Variants in SPCS3 observed in about 807,000 individuals in gnomAD.
The protein encoded by SPCS3 is SPase 22 kDa subunit.
A neutral mutation model predicts 17.2 loss-of-function variants in SPCS3; 9 were observed. The ratio of observed to expected loss-of-function variants is 0.52; its 90% CI spans 0.31 to 0.91. SPCS3 has a LOEUF of 0.91. Among genes scored for constraint, SPCS3 ranks in the 40% least tolerant of loss-of-function variants. SPCS3 has a pLI of 0.04. For missense variants in SPCS3, 139 were observed against 217.5 expected (o/e 0.64, Z 2.27); for synonymous variants, 87 against 89.6 (o/e 0.97, Z 0.16).
In SPCS3 at chr4:176,329,909, G is replaced by T. The variant is rs1191357314; in HGVS notation, c.*1579G>T. ...AATTACATTAATTTTAACATCTGTT[G>T]TGTGGAGTTGTATAGTTCATGCAAA... On this transcript the variant is annotated 3_prime_UTR_variant, in exon 5 of 5. Coordinates refer to ENST00000503362, the MANE Select transcript of SPCS3 (RefSeq NM_021928.4). 2 of 152,112 alleles carry T rather than the reference G, an allele frequency of 1.3e-5. No homozygotes were observed. The highest frequency in any genetic ancestry group is 4.8e-5 in the African/African-American group (2 of 41,432). 9.4% of individuals were successfully genotyped at this position (152,112 alleles called of 1,614,324 possible).
intron 2 of SPCS3, 103 bp downstream of exon 2, chr4:176,322,346 C>G: frequency 1.3e-6 from 1 of 748,474 alleles, no homozygotes; most frequent in Non-Finnish European, 2.1e-6. Flanking sequence ...ATTGAATCAG[C>G]CAAACCTTGG....
intron 2 of SPCS3, among the ~76,000 whole-genome samples, chr4:176,322,778 A>T (rs1731555272): frequency 6.6e-6 from 1 of 152,118 alleles, no homozygotes; most frequent in Non-Finnish European, 1.5e-5. Flanking sequence ...AAATATTAAC[A>T]ATTATAAGAG....
At chr4:176,322,145 G>T (rs773175305) in intron 1 of SPCS3, 25 bp from the exon 2 acceptor site, 28 of 1,486,454 alleles carry the variant, frequency 1.9e-5, no homozygotes, top group Middle Eastern at 1.7e-4. Flanking sequence ...TGGAAGGATG[G>T]TAAAACTTTT....
intron 2 of SPCS3, among the ~76,000 whole-genome samples, chr4:176,323,232 A>G (rs1731560919): frequency 6.6e-6 from 1 of 152,116 alleles, no homozygotes. Context: ...AATTTTTAAA[A>G]ATCTGCTTAA....
intron 3 of SPCS3, among the ~76,000 whole-genome samples, chr4:176,325,134 C>T (rs1398509829): frequency 6.6e-6 from 1 of 150,468 alleles, no homozygotes; most frequent in East Asian, 2.0e-4. Context: ...CAGCTCACTG[C>T]AAGCTTTGCC....
rs762439162 is a variant in SPCS3 at position 176,328,218 on chromosome 4, T to G, written c.431T>G (p.Leu144Trp). 2 of 1,613,202 alleles carry G rather than the reference T, an allele frequency of 1.2e-6. No individual in the cohort carries two copies. The highest frequency in any genetic ancestry group is 1.7e-6 in the Non-Finnish European group (2 of 1,179,582). ...NGLKGNRNVT[L>W]TLSWNVVPNA... Reference sequence around the variant, plus strand: ...TATAGGGGAAACAGGAATGTCACTTTGACCCTGTCTTGGAACGTCGTACCA... The same window carrying G: ...TATAGGGGAAACAGGAATGTCACTTGGACCCTGTCTTGGAACGTCGTACCA... The change falls in exon 5 of 5, where the codon TTG (leucine) becomes TGG (tryptophan). Residue 144 changes from leucine (L) to tryptophan (W), a missense_variant. Physicochemically the swap from Leu to Trp is moderately conservative, Grantham distance 61. Coordinates refer to ENST00000503362, the MANE Select transcript of SPCS3 (RefSeq NM_021928.4).
Position 176,330,357 on chromosome 4 carries a change from G to A in SPCS3, c.*2027G>A, listed in dbSNP as rs1731668194. On this transcript the variant is annotated 3_prime_UTR_variant, in exon 5 of 5. Coordinates refer to ENST00000503362, the MANE Select transcript of SPCS3 (RefSeq NM_021928.4). ...TAAAGGCATGTGCGATAAGCCTGCAGTCTTAACCAGACCTGGTACCAGTTT... is the reference window on the plus strand; with the variant it reads ...TAAAGGCATGTGCGATAAGCCTGCAATCTTAACCAGACCTGGTACCAGTTT... 6.6e-6 allele frequency: 1 copy of A among 152,186 alleles called. No homozygotes were observed. Among genetic ancestry groups the A allele is most frequent in the African/African-American group, 2.4e-5 (1 of 41,442 alleles). The allele number at this position is 152,186 out of a possible 1,614,324, so 9.4% of individuals were successfully genotyped here. A position where few individuals can be genotyped will look rare whatever the true frequency, so the allele number is the denominator to read the frequency against.
intron 3 of SPCS3, among the ~76,000 whole-genome samples, chr4:176,325,120 A>G (rs558935983): frequency 1.3e-5 from 2 of 149,626 alleles, no homozygotes; most frequent in East Asian, 2.0e-4. Flanking sequence ...AGCGCCGTCA[A>G]TCTCAGCTCA....
chr4:176,326,514 A>C (rs1339825215), intron 3 of SPCS3, among the ~76,000 whole-genome samples: 1 of 152,214 alleles, frequency 6.6e-6, no homozygotes, highest in African/African-American at 2.4e-5. Context: ...AGAGTAGCTT[A>C]AAAGAATTGT....
Position 176,327,233 on chromosome 4 carries a change from T to C in SPCS3, c.366T>C (p.Asp122=), listed in dbSNP as rs768981230. The C allele has an allele frequency of 4.4e-6, 7 of 1,594,494 alleles. No homozygotes were observed. The South Asian group carries it at 4.6e-5, about 10-fold the overall frequency. ...RGDNPKLLLK[D]MKTKYFFFDD... ...ATAATCCGAAGCTGCTGCTGAAAGATATGAAAACAAAATATTTTTTCTTTG... is the reference window on the plus strand; with the variant it reads ...ATAATCCGAAGCTGCTGCTGAAAGACATGAAAACAAAATATTTTTTCTTTG... The change falls in exon 4 of 5, where the codon GAT becomes GAC. Residue 122 remains aspartate, a synonymous_variant. Coordinates refer to ENST00000503362, the MANE Select transcript of SPCS3 (RefSeq NM_021928.4).
chr4:176,320,139 G>A lies in SPCS3; in HGVS notation c.63G>A (p.Ala21=). The part of the protein sequence containing the change: ...LFAFSLSVMA[A]LTFGCFITTA... ...CCTTCTCGCTGAGCGTGATGGCGGC[G>A]CTCACCTTCGGCTGCTTCATCACCA... Residue 21 remains alanine, a synonymous_variant, in exon 1 of 5, where the codon GCG becomes GCA. Coordinates refer to ENST00000503362, the MANE Select transcript of SPCS3 (RefSeq NM_021928.4). 6.3e-7 allele frequency: 1 copy of A among 1,583,380 alleles called. No individual in the cohort carries two copies.
rs963896824 is a variant in SPCS3 at position 176,329,064 on chromosome 4, G to A, written c.*734G>A. ...ATAGCTTTGTACTTTTTTTTTTAGC[G>A]TTGCCATTGAAAGTTAAAATGTTTG... is the stretch of plus-strand genomic sequence containing the variant. On this transcript the variant is annotated 3_prime_UTR_variant, in exon 5 of 5. Transcript: ENST00000503362. The A allele has an allele frequency of 3.8e-4, 57 of 150,888 alleles. No homozygotes were observed. Among genetic ancestry groups the A allele is most frequent in the African/African-American group, 1.4e-3 (56 of 41,146 alleles). 9.3% of individuals were successfully genotyped at this position (150,888 alleles called of 1,614,324 possible). A position where few individuals can be genotyped will look rare whatever the true frequency, so the allele number is the denominator to read the frequency against.
intron 3 of SPCS3, chr4:176,326,880 A>G (rs977599127): frequency 5.3e-6 from 1 of 189,764 alleles, no homozygotes; most frequent in African/African-American, 2.4e-5. Context: ...GAGATCTTAT[A>G]GATCAAAAAC....
At position 176,320,120 on chromosome 4, in the gene SPCS3, C is replaced by T. The variant is rs991735577; in HGVS notation, c.44C>T (p.Ser15Leu). 4.4e-6 allele frequency: 7 copies of T among 1,582,308 alleles called. No individual in the cohort carries two copies. Among genetic ancestry groups the T allele is most frequent in the African/African-American group, 1.4e-5 (1 of 71,784 alleles). ...CGGGCGAACTCACTGTTCGCCTTCT[C>T]GCTGAGCGTGATGGCGGCGCTCACC... The part of the protein sequence containing the change: ...LSRANSLFAF[S>L]LSVMAALTFG... Residue 15 changes from serine to leucine, a missense_variant, in exon 1 of 5, where the codon TCG (serine) becomes TTG (leucine). By Grantham distance (145) the Ser-to-Leu change is moderately radical. Coordinates refer to ENST00000503362, the MANE Select transcript of SPCS3 (RefSeq NM_021928.4).
In SPCS3 at chr4:176,328,188, C is replaced by T; in HGVS notation, c.411-10C>T. 6.2e-7 allele frequency: 1 copy of T among 1,608,928 alleles called. No individual in the cohort carries two copies. The highest frequency in any genetic ancestry group is 8.5e-7 in the Non-Finnish European group (1 of 1,178,436). Reference sequence around the variant, plus strand: ...CTCTGATGACTTGTGTTTATTATATCTTTTTATAGGGGAAACAGGAATGTC... The same window carrying T: ...CTCTGATGACTTGTGTTTATTATATTTTTTTATAGGGGAAACAGGAATGTC... On this transcript the variant is annotated splice_polypyrimidine_tract_variant and intron_variant, in intron 4 of 4. Coordinates refer to ENST00000503362, the MANE Select transcript of SPCS3 (RefSeq NM_021928.4).
intron 4 of SPCS3, among the ~76,000 whole-genome samples, chr4:176,327,593 G>A (rs548902431): frequency 3.9e-4 from 59 of 152,262 alleles, no homozygotes; most frequent in African/African-American, 1.4e-3. Context: ...AGCGTGAGTC[G>A]GGAAACCTTA....
At position 176,320,308 on chromosome 4, in the gene SPCS3, C is replaced by T. The variant is rs1350062914; in HGVS notation, c.143+89C>T. 3.4e-6 allele frequency: 4 copies of T among 1,190,592 alleles called. No homozygotes were observed. In the East Asian group the frequency reaches 1.1e-4, roughly 33 times the overall value. The allele number at this position is 1,190,592 out of a possible 1,614,324, so 73.8% of individuals were successfully genotyped here. A position where few individuals can be genotyped will look rare whatever the true frequency, so the allele number is the denominator to read the frequency against. ...GGCCGCCGCGCCGGGGCTGCCGTGCCGGGGCCGCGGGCAGGGCGTCCGGAT... is the reference window on the plus strand; with the variant it reads ...GGCCGCCGCGCCGGGGCTGCCGTGCTGGGGCCGCGGGCAGGGCGTCCGGAT... On this transcript the variant is annotated intron_variant, in intron 1 of 4. Coordinates refer to ENST00000503362, the MANE Select transcript of SPCS3 (RefSeq NM_021928.4).
rs1731678805 is a variant in SPCS3, at chr4:176,331,033, T to G, written c.*2703T>G. 6.6e-6 allele frequency: 1 copy of G among 152,140 alleles called. No individual in the cohort carries two copies. The highest frequency in any genetic ancestry group is 2.4e-5 in the African/African-American group (1 of 41,434). 9.4% of individuals were successfully genotyped at this position (152,140 alleles called of 1,614,324 possible). A position where few individuals can be genotyped will look rare whatever the true frequency, so the allele number is the denominator to read the frequency against. On this transcript the variant is annotated 3_prime_UTR_variant, in exon 5 of 5. Coordinates refer to ENST00000503362, the MANE Select transcript of SPCS3 (RefSeq NM_021928.4). ...GTAATAAGAAAGTGGGTTTTGAGTTTCCTTTCCTGGAATTATTTTACAGTT... is the reference window on the plus strand; with the variant it reads ...GTAATAAGAAAGTGGGTTTTGAGTTGCCTTTCCTGGAATTATTTTACAGTT...
Position 176,329,438 on chromosome 4 carries a change from T to G in SPCS3, c.*1108T>G, listed in dbSNP as rs144504501. On this transcript the variant is annotated 3_prime_UTR_variant, in exon 5 of 5. Coordinates refer to ENST00000503362, the MANE Select transcript of SPCS3 (RefSeq NM_021928.4). ...TTCTCTTATACCTCAGATTGCAGAC[T>G]AATCAAATTTTACTTAAAACCTTCC... The G allele has an allele frequency of 9.5e-4, 145 of 152,302 alleles. No individual in the cohort carries two copies. The highest frequency in any genetic ancestry group is 3.1e-3 in the African/African-American group (127 of 41,572). 9.4% of individuals were successfully genotyped at this position (152,302 alleles called of 1,614,324 possible).
Sources: gnomAD v4.1 joint callset for allele counts (sites outside exome capture counted in the v4.1 genomes callset) on GRCh38, gnomAD v4.1.1 for gene constraint, MANE v1.5 for transcripts, NCBI Gene and HGNC (gene_info 2026-07-23, HGNC 2026-07-21) for gene names.